The following OTOGL variants were observed in gnomAD, a reference collection of about 807,000 sequenced individuals.
The protein encoded by OTOGL is otogelin-like protein.
OTOGL carries 285 observed loss-of-function variants against 318.5 expected under a neutral mutation model. The ratio of observed to expected loss-of-function variants is 0.89; its 90% confidence interval spans 0.81 to 0.99. OTOGL has a LOEUF of 0.99. OTOGL is among the 50% of genes least tolerant of loss of function. The pLI is 0.00. For missense variants in OTOGL, 2,899 were observed against 2,845.6 expected (o/e 1.02, Z -0.43); for synonymous variants, 987 against 936.5 (o/e 1.05, Z -0.99).
intron 30 of OTOGL, among the ~76,000 whole-genome samples, 165 bp from the exon 31 acceptor site, chr12:80,313,311 T>C (rs945982036): frequency 6.6e-6 from 1 of 152,200 alleles, no homozygotes; most frequent in Admixed American, 6.5e-5. Context: ...AATACATTTC[T>C]TTCTCCTTTG....
At position 80,267,297 on chromosome 12, in the gene OTOGL, G is replaced by A. The variant is rs766524140; in HGVS notation, c.2435G>A (p.Gly812Glu). 16 of 1,565,388 alleles carry A rather than the reference G, an allele frequency of 1.0e-5. No homozygotes were observed. The Middle Eastern group carries it at 1.7e-3, about 163-fold the overall frequency. Residue 812 changes from glycine to glutamate, a missense_variant, in exon 22 of 59, where the codon GGA becomes GAA. Gly to Glu is a moderately conservative substitution (Grantham distance 98, BLOSUM62 -2). Transcript: ENST00000547103. ...CHYRGSVYQP[G>E]ELIPTPSGLC... is the part of the protein sequence containing the mutation. ...TATAGGGGCAGTGTTTATCAACCTG[G>A]AGAGCTCATCCCCACACCCTCGGGC...
At chr12:80,149,008 T>C (rs147785916) in intron 1 of OTOGL, among the ~76,000 whole-genome samples, 9,842 of 152,166 alleles carry the variant, frequency 0.065, 995 homozygotes, top group African/African-American at 0.22. Flanking sequence ...AATGTCCTCC[T>C]GTAGCTCAGA....
In OTOGL at chr12:80,367,716, AAT is replaced by A; in HGVS notation, c.6488_6489del (p.Asn2163MetfsTer6). On this transcript the variant is annotated frameshift_variant, in exon 54 of 59. Coordinates refer to ENST00000547103, the MANE Select transcript of OTOGL (RefSeq NM_001378609.3). LOFTEE classifies it high-confidence loss of function. ...GFHTLNFTLV[N>X]CSKKCDVHQV... is the part of the protein sequence containing the mutation. ...TCACACTCTGAATTTTACACTGGTG[AAT>A]TGTTCAAAAAAATGTGATGTTGTAA... The A allele has an allele frequency of 7.0e-7, 1 of 1,430,216 alleles. No homozygotes were observed. The highest frequency in any genetic ancestry group is 9.2e-7 in the Non-Finnish European group (1 of 1,084,538). The allele number at this position is 1,430,216 out of a possible 1,614,324, so 88.6% of individuals were successfully genotyped here.
At chr12:80,190,403 C>G (rs1310575190) in intron 1 of OTOGL, among the ~76,000 whole-genome samples, 1 of 152,204 alleles carries the variant, frequency 6.6e-6, no homozygotes, top group Non-Finnish European at 1.5e-5. Flanking sequence ...TCACTGGTAT[C>G]AAATCACTGT....
At chr12:80,240,188 A>G (rs1362741052) in intron 11 of OTOGL, among the ~76,000 whole-genome samples, 1 of 152,122 alleles carries the variant, frequency 6.6e-6, no homozygotes, top group Non-Finnish European at 1.5e-5. Context: ...CAATAAACAC[A>G]GGAGTGCAAA....
chr12:80,108,048 A>G (rs942194688), intron 1 of OTOGL, among the ~76,000 whole-genome samples: 9 of 152,232 alleles, frequency 5.9e-5, no homozygotes, highest in African/African-American at 2.2e-4. Context: ...ACCCCATGAC[A>G]CGCAGTTTAC....
chr12:80,357,324 G>A (rs1158320458), intron 49 of OTOGL, among the ~76,000 whole-genome samples: 2 of 152,094 alleles, frequency 1.3e-5, no homozygotes, highest in Non-Finnish European at 2.9e-5. Context: ...AAAAAGAATG[G>A]CAGAAAGAAA....
intron 1 of OTOGL, among the ~76,000 whole-genome samples, chr12:80,146,431 T>C (rs2137155003): frequency 6.6e-6 from 1 of 151,526 alleles, no homozygotes; most frequent in Non-Finnish European, 1.5e-5. Flanking sequence ...GTGGATAAGC[T>C]TTTTGATGTG....
intron 24 of OTOGL, among the ~76,000 whole-genome samples, chr12:80,275,584 C>T (rs541695306): frequency 9.9e-5 from 15 of 151,944 alleles, no homozygotes; most frequent in African/African-American, 1.4e-4. Flanking sequence ...GGGTTTAAGA[C>T]GACTGACTGC....
In OTOGL at chr12:80,318,723, A is replaced by G; in HGVS notation, c.3802+10A>G. The G allele has an allele frequency of 8.2e-7, 1 of 1,224,810 alleles. No individual in the cohort carries two copies. The highest frequency in any genetic ancestry group is 1.0e-6 in the Non-Finnish European group (1 of 959,806). 75.9% of individuals were successfully genotyped at this position (1,224,810 alleles called of 1,614,324 possible). A position where few individuals can be genotyped will look rare whatever the true frequency, so the allele number is the denominator to read the frequency against. On this transcript the variant is annotated intron_variant, in intron 33 of 58. Coordinates refer to ENST00000547103, the MANE Select transcript of OTOGL (RefSeq NM_001378609.3). ...AAAGAGAAGGTATCATGTAAGTATA[A>G]TTGAAAATAAGAGTTTAGCTTTCCA...
chr12:80,302,007 T>C (rs1476423333), intron 27 of OTOGL, among the ~76,000 whole-genome samples: 1 of 152,226 alleles, frequency 6.6e-6, no homozygotes, highest in African/African-American at 2.4e-5. Context: ...AGATTCCTTC[T>C]TACCATAGAT....
At chr12:80,245,001 T>C (rs1880744840) in intron 11 of OTOGL, among the ~76,000 whole-genome samples, 1 of 148,724 alleles carries the variant, frequency 6.7e-6, no homozygotes, top group African/African-American at 2.6e-5. Flanking sequence ...CACTTTTTGA[T>C]GGGGTTGTTT....
intron 52 of OTOGL, chr12:80,366,312 T>C (rs1454820639): frequency 2.2e-6 from 1 of 454,250 alleles, no homozygotes; most frequent in Non-Finnish European, 4.4e-6. Flanking sequence ...GCTGCCTTGG[T>C]AGAGCAGATC....
chr12:80,161,056 CATA>C (rs1436863116), intron 1 of OTOGL, among the ~76,000 whole-genome samples: 1 of 151,820 alleles, frequency 6.6e-6, no homozygotes, highest in African/African-American at 2.4e-5. Context: ...ATAAGAATGA[CATA>C]ATGGACTTTG....
chr12:80,376,728 A>T lies in OTOGL; in HGVS notation c.6782-395A>T, dbSNP rs1476610344. Among the ~76,000 whole-genome samples, 7 of 152,126 alleles carry T rather than the reference A, an allele frequency of 4.6e-5. No individual in the cohort carries two copies. In the East Asian group the frequency reaches 1.3e-3, roughly 29 times the overall value. ...TTAAAATTGATGTATATATGTAGTT[A>T]TGCATTAATTACATATGCATATATC... On this transcript the variant is annotated intron_variant, in intron 57 of 58. Coordinates refer to ENST00000547103, the MANE Select transcript of OTOGL (RefSeq NM_001378609.3).
chr12:80,261,413 T>C (rs1394290462), intron 18 of OTOGL, among the ~76,000 whole-genome samples: 4 of 152,148 alleles, frequency 2.6e-5, no homozygotes, highest in Admixed American at 2.6e-4. Flanking sequence ...TTTCATTTGG[T>C]TTGCCCACTT....
In OTOGL at chr12:80,296,573, T is replaced by C. The variant is rs558408821; in HGVS notation, c.2929-254T>C. Reference sequence around the variant, plus strand: ...GATAATGGTTGGTACATTTGAGCTATAGAAATAAAATGGTAAACTTGGCTG... The same window carrying C: ...GATAATGGTTGGTACATTTGAGCTACAGAAATAAAATGGTAAACTTGGCTG... On this transcript the variant is annotated intron_variant, in intron 26 of 58. Coordinates refer to ENST00000547103, the MANE Select transcript of OTOGL (RefSeq NM_001378609.3). 7.9e-4 allele frequency among the ~76,000 whole-genome samples: 120 copies of C among 152,292 alleles called. No homozygotes were observed. In the South Asian group the frequency reaches 9.7e-3, roughly 12 times the overall value.
At chr12:80,251,839 A>C in intron 12 of OTOGL, 40 bp downstream of exon 12, 2 of 1,513,052 alleles carry the variant, frequency 1.3e-6, no homozygotes, top group South Asian at 1.2e-5. Context: ...TACTTTTGCC[A>C]ATTTTGGGTT....
At chr12:80,135,510 T>A (rs1465691261) in intron 1 of OTOGL, among the ~76,000 whole-genome samples, 2 of 152,056 alleles carry the variant, frequency 1.3e-5, no homozygotes, top group African/African-American at 4.8e-5. Flanking sequence ...TGCCCTCAGG[T>A]GATCTGCCTG....
Sources: gnomAD v4.1 joint callset for allele counts (sites outside exome capture counted in the v4.1 genomes callset) on GRCh38, gnomAD v4.1.1 for gene constraint, MANE v1.5 for transcripts, NCBI Gene and HGNC (gene_info 2026-07-23, HGNC 2026-07-21) for gene names.